UBTD2: variants seen among roughly 807,000 people sequenced by gnomAD.
The protein encoded by UBTD2 is ubiquitin domain-containing protein 2.
Under a neutral mutation model 19.8 loss-of-function variants are expected in UBTD2, and 9 were observed. That is an observed-to-expected ratio of 0.46 (90% CI 0.27 to 0.79). The LOEUF (loss-of-function observed/expected upper bound fraction) is 0.79, where lower values mean the gene tolerates loss of function less well. Among genes scored for constraint, UBTD2 ranks in the 30% least tolerant of loss-of-function variants. The pLI is 0.14. For synonymous variants in UBTD2, 98 were observed against 103.9 expected, an observed-to-expected ratio of 0.94 and a Z score of 0.35; for missense variants, 250 against 300.4, an observed-to-expected ratio of 0.83 and a Z score of 1.24.
intron 2 of UBTD2, among the ~76,000 whole-genome samples, chr5:172,213,848 G>A (rs561317457): frequency 2.0e-5 from 3 of 152,024 alleles, no homozygotes; most frequent in Admixed American, 6.6e-5. Context: ...GTGCAATGGC[G>A]CAATCTTGGC....
chr5:172,212,010 G>C lies in UBTD2; in HGVS notation c.525C>G (p.Phe175Leu). Residue 175 changes from phenylalanine to leucine, a missense_variant, in exon 3 of 3, where the codon TTC (phenylalanine) becomes TTG (leucine). Coordinates refer to ENST00000393792, the MANE Select transcript of UBTD2 (RefSeq NM_152277.3). ...CTGCATGCAACCGTCTCTTCATGTGGAATACTGTGTCTGTGCTGCGAACCA... is the reference window on the plus strand; with the variant it reads ...CTGCATGCAACCGTCTCTTCATGTGCAATACTGTGTCTGTGCTGCGAACCA... ...KLVVRSTDTV[F>L]HMKRRLHAAE... 1 of 1,614,230 alleles carries C rather than the reference G, an allele frequency of 6.2e-7. No individual in the cohort carries two copies. Among genetic ancestry groups the C allele is most frequent in the Non-Finnish European group, 8.5e-7 (1 of 1,180,044 alleles).
At chr5:172,215,027 C>T (rs887537220) in intron 2 of UBTD2, among the ~76,000 whole-genome samples, 1 of 152,202 alleles carries the variant, frequency 6.6e-6, no homozygotes, top group Non-Finnish European at 1.5e-5. Context: ...CACCATTTAC[C>T]ATAGCAGACA....
chr5:172,270,059 A>G (rs1179513114), intron 1 of UBTD2, among the ~76,000 whole-genome samples: 1 of 151,204 alleles, frequency 6.6e-6, no homozygotes, highest in South Asian at 2.1e-4. Context: ...CCTGGGCGAC[A>G]GAGCAAGACT....
At chr5:172,262,930 A>C (rs1313344972) in intron 1 of UBTD2, among the ~76,000 whole-genome samples, 2 of 152,134 alleles carry the variant, frequency 1.3e-5, no homozygotes, top group African/African-American at 2.4e-5. Flanking sequence ...TATGCATTCA[A>C]CTAGTTTTTT....
At chr5:172,215,032 C>T (rs1373326689) in intron 2 of UBTD2, among the ~76,000 whole-genome samples, 1 of 152,166 alleles carries the variant, frequency 6.6e-6, no homozygotes, top group Non-Finnish European at 1.5e-5. Context: ...TTTACCATAG[C>T]AGACACCCAG....
At chr5:172,214,247 C>T (rs908811081) in intron 2 of UBTD2, among the ~76,000 whole-genome samples, 32 of 152,080 alleles carry the variant, frequency 2.1e-4, no homozygotes, top group Admixed American at 1.4e-3. Flanking sequence ...GTTAATGAAC[C>T]GGTATTTGTG....
At chr5:172,226,299 G>A (rs944920863) in intron 2 of UBTD2, among the ~76,000 whole-genome samples, 54 of 152,062 alleles carry the variant, frequency 3.6e-4, no homozygotes, top group Admixed American at 1.1e-3. Flanking sequence ...TAAGACTCCA[G>A]GAGAAGCAGT....
At chr5:172,229,500 CAAAAAAA>C (rs5873303) in intron 2 of UBTD2, among the ~76,000 whole-genome samples, 1 of 57,226 alleles carries the variant, frequency 1.7e-5, no homozygotes, top group Non-Finnish European at 3.1e-5. Flanking sequence ...GACTCCGTCT[CAAAAAAA>C]AAAAAAAAAA....
At chr5:172,217,958 T>C (rs1161572878) in intron 2 of UBTD2, among the ~76,000 whole-genome samples, 1 of 152,186 alleles carries the variant, frequency 6.6e-6, no homozygotes, top group Non-Finnish European at 1.5e-5. Context: ...AGAAATGACA[T>C]ACTTGAATGC....
At chr5:172,265,341 C>T (rs1204587991) in intron 1 of UBTD2, among the ~76,000 whole-genome samples, 1 of 151,890 alleles carries the variant, frequency 6.6e-6, no homozygotes, top group Non-Finnish European at 1.5e-5. Flanking sequence ...GAGTAGTAAA[C>T]TTTTTTTTGA....
intron 1 of UBTD2, among the ~76,000 whole-genome samples, chr5:172,235,649 C>T (rs7734469): frequency 0.33 from 50,442 of 151,888 alleles, 9,508 homozygotes; most frequent in African/African-American, 0.52. Flanking sequence ...GTAGTAGTAG[C>T]GCTGGAATAA....
chr5:172,249,272 G>A (rs1177124189), intron 1 of UBTD2, among the ~76,000 whole-genome samples: 4 of 151,296 alleles, frequency 2.6e-5, no homozygotes, highest in South Asian at 4.2e-4. Context: ...GGTGGCATGT[G>A]CCTGTAATCC....
chr5:172,238,262 C>T (rs1772052066), intron 1 of UBTD2, among the ~76,000 whole-genome samples: 1 of 152,182 alleles, frequency 6.6e-6, no homozygotes, highest in Non-Finnish European at 1.5e-5. Context: ...GCATATAGGA[C>T]TAGGTACCAT....
At chr5:172,255,545 C>T (rs572811130) in intron 1 of UBTD2, 7 of 274,154 alleles carry the variant, frequency 2.6e-5, no homozygotes, top group Middle Eastern at 7.7e-4. Flanking sequence ...GGCCCCCAAG[C>T]GCAGTAATGT....
At chr5:172,234,428 C>A in intron 1 of UBTD2, 70 bp from the exon 2 acceptor site, 2 of 1,273,496 alleles carry the variant, frequency 1.6e-6, no homozygotes, top group South Asian at 2.5e-5. Flanking sequence ...GTTATCTGGT[C>A]ATTCCTCTCT....
intron 2 of UBTD2, among the ~76,000 whole-genome samples, chr5:172,219,371 A>C (rs543225115): frequency 1.8e-4 from 27 of 152,366 alleles, no homozygotes; most frequent in African/African-American, 6.3e-4. Context: ...CACACAATTC[A>C]CAAGTTTTAA....
Position 172,222,883 on chromosome 5 carries a change from A to T in UBTD2, c.308-10656T>A, listed in dbSNP as rs562196421. 4.6e-5 allele frequency among the ~76,000 whole-genome samples: 7 copies of T among 152,344 alleles called. No individual in the cohort carries two copies. In the Middle Eastern group the frequency reaches 0.01, roughly 222 times the overall value. On this transcript the variant is annotated intron_variant, in intron 2 of 2. Transcript: ENST00000393792. ...GCTAAAACAGGTAAATTAAACGTTC[A>T]ACATTCACTGCCTTTTTTATGCTAC...
At chr5:172,253,516 G>A (rs1420713188) in intron 1 of UBTD2, among the ~76,000 whole-genome samples, 2 of 151,272 alleles carry the variant, frequency 1.3e-5, no homozygotes, top group South Asian at 2.1e-4. Context: ...TGCAGTGGCG[G>A]GATCTCCACT....
At chr5:172,277,963 C>T (rs1755641319) in intron 1 of UBTD2, among the ~76,000 whole-genome samples, 1 of 151,928 alleles carries the variant, frequency 6.6e-6, no homozygotes, top group South Asian at 2.1e-4. Flanking sequence ...CACTACTCAT[C>T]AGGAAAATGC....
Sources: gnomAD v4.1 joint callset for allele counts (sites outside exome capture counted in the v4.1 genomes callset) on GRCh38, gnomAD v4.1.1 for gene constraint, MANE v1.5 for transcripts, NCBI Gene and HGNC (gene_info 2026-07-23, HGNC 2026-07-21) for gene names.